Variants in TAFA5 observed in about 807,000 individuals in gnomAD.
TAFA5 encodes TAFA chemokine like family member 5.
TAFA5 carries 6 observed loss-of-function variants against 15.3 expected under a neutral mutation model. The observed-to-expected ratio is 0.39, with a 90% confidence interval of 0.21 to 0.77. TAFA5 has a LOEUF of 0.77. TAFA5 is among the 30% of genes least tolerant of loss of function. TAFA5 has a pLI of 0.41. For missense variants in TAFA5, 161 were observed against 193.1 expected (o/e 0.83, Z 0.98); for synonymous variants, 103 against 80.7 (o/e 1.28, Z -1.48).
chr22:48,521,093 G>GT lies in TAFA5; in HGVS notation c.112+31390dup, dbSNP rs1921585918. 7.2e-5 allele frequency among the ~76,000 whole-genome samples: 11 copies of GT among 152,316 alleles called. No individual in the cohort carries two copies. In the South Asian group the frequency reaches 2.3e-3, roughly 32 times the overall value. ...CTGTTGAATTCTTCCCACCACGGCCGTAACCGTGCAGGATCCAGGGCATGT... is the reference window on the plus strand; with the variant it reads ...CTGTTGAATTCTTCCCACCACGGCCGTTAACCGTGCAGGATCCAGGGCATGT... On this transcript the variant is annotated intron_variant, in intron 1 of 3. Coordinates refer to ENST00000402357, the MANE Select transcript of TAFA5 (RefSeq NM_001082967.3).
At chr22:48,703,196 G>A (rs1414022762) in intron 2 of TAFA5, among the ~76,000 whole-genome samples, 1 of 152,038 alleles carries the variant, frequency 6.6e-6, no homozygotes, top group Non-Finnish European at 1.5e-5. Flanking sequence ...GTGGTGTGTG[G>A]TGTATACATG....
chr22:48,623,468 A>T (rs1925924340), intron 1 of TAFA5, among the ~76,000 whole-genome samples: 2 of 151,392 alleles, frequency 1.3e-5, no homozygotes, highest in Admixed American at 1.3e-4. Flanking sequence ...GACCTGTGGG[A>T]CGGGACGCAG....
intron 3 of TAFA5, among the ~76,000 whole-genome samples, chr22:48,730,620 G>C (rs1193415654): frequency 6.6e-6 from 1 of 152,134 alleles, no homozygotes; most frequent in African/African-American, 2.4e-5. Flanking sequence ...TCACGTTTTA[G>C]TAATTTCCCC....
chr22:48,541,532 G>T (rs1257173802), intron 1 of TAFA5, among the ~76,000 whole-genome samples: 1 of 152,146 alleles, frequency 6.6e-6, no homozygotes, highest in African/African-American at 2.4e-5. Flanking sequence ...TGTTTTCCTT[G>T]TCCCAGGTGT....
intron 1 of TAFA5, among the ~76,000 whole-genome samples, chr22:48,529,709 T>C (rs1278421566): frequency 6.6e-6 from 1 of 151,806 alleles, no homozygotes; most frequent in African/African-American, 2.4e-5. Context: ...TCCAGGGGTC[T>C]CCGACCAGGC....
chr22:48,734,501 G>A (rs1468438479), intron 3 of TAFA5, among the ~76,000 whole-genome samples: 2 of 152,252 alleles, frequency 1.3e-5, no homozygotes, highest in African/African-American at 4.8e-5. Context: ...GTAGACACGT[G>A]TGTGAACAGC....
At position 48,658,779 on chromosome 22, in the gene TAFA5, G is replaced by A. The variant is rs75320643; in HGVS notation, c.262+12033G>A. Among the ~76,000 whole-genome samples, 14 of 152,314 alleles carry A rather than the reference G, an allele frequency of 9.2e-5. No homozygotes were observed. The East Asian group carries it at 1.9e-3, about 21-fold the overall frequency. ...GCTGGCCCAGACCTAGGGCGTCGAC[G>A]TGTAGAGAGAGAAAGGACCAGGCCT... On this transcript the variant is annotated intron_variant, in intron 2 of 3. Transcript: ENST00000402357.
intron 1 of TAFA5, among the ~76,000 whole-genome samples, chr22:48,573,873 G>A (rs1383293711): frequency 6.6e-6 from 1 of 152,214 alleles, no homozygotes; most frequent in Non-Finnish European, 1.5e-5. Context: ...GACACAGTGA[G>A]TGTCAAGGGC....
At chr22:48,506,522 G>A (rs1921001716) in intron 1 of TAFA5, among the ~76,000 whole-genome samples, 1 of 152,212 alleles carries the variant, frequency 6.6e-6, no homozygotes, top group South Asian at 2.1e-4. Flanking sequence ...AGACCACAGG[G>A]GTGACAGGCG....
At chr22:48,574,482 G>T (rs1172987891) in intron 1 of TAFA5, among the ~76,000 whole-genome samples, 1 of 152,148 alleles carries the variant, frequency 6.6e-6, no homozygotes, top group Non-Finnish European at 1.5e-5. Flanking sequence ...AGTTTCCCCA[G>T]ATGCATACTG....
At chr22:48,576,306 A>G in intron 1 of TAFA5, 1 of 1,072,706 alleles carries the variant, frequency 9.3e-7, no homozygotes, top group Non-Finnish European at 1.1e-6. Context: ...CCCTGCCCAG[A>G]AAGACACAAA....
At chr22:48,589,292 T>C (rs778529074) in intron 1 of TAFA5, among the ~76,000 whole-genome samples, 6 of 152,154 alleles carry the variant, frequency 3.9e-5, no homozygotes, top group Non-Finnish European at 8.8e-5. Flanking sequence ...CATGGGATCA[T>C]TTATGTGAAA....
rs559089272 is a variant in TAFA5, at chr22:48,563,177, G to A, written c.112+73473G>A. ...TTTGCGTGGCCCCCAAGAGCCCTGT[G>A]GACAAGTGGCCCCCTCATCCCCTCC... On this transcript the variant is annotated intron_variant, in intron 1 of 3. Transcript: ENST00000402357. Among the ~76,000 whole-genome samples the A allele has an allele frequency of 1.7e-3, 265 of 152,226 alleles. 2 individuals are homozygous for A. Among genetic ancestry groups the A allele is most frequent in the African/African-American group, 6.0e-3 (248 of 41,546 alleles).
intron 1 of TAFA5, chr22:48,544,333 G>A (rs1180370117): frequency 5.9e-5 from 16 of 270,350 alleles, no homozygotes; most frequent in Admixed American, 3.1e-4. Flanking sequence ...CCCCCTCTAT[G>A]GGAGGAGGCT....
chr22:48,525,130 T>C (rs1311496426), intron 1 of TAFA5, among the ~76,000 whole-genome samples: 2 of 152,188 alleles, frequency 1.3e-5, no homozygotes, highest in African/African-American at 4.8e-5. Context: ...TCGAGGGTCC[T>C]CTCCCATCCC....
chr22:48,699,941 C>A (rs1375595674), intron 2 of TAFA5, among the ~76,000 whole-genome samples: 1 of 152,192 alleles, frequency 6.6e-6, no homozygotes, highest in African/African-American at 2.4e-5. Context: ...CATTGAGCTC[C>A]TGCCTCTTCT....
At chr22:48,600,875 G>T (rs1264155783) in intron 1 of TAFA5, among the ~76,000 whole-genome samples, 1 of 152,156 alleles carries the variant, frequency 6.6e-6, no homozygotes, top group Non-Finnish European at 1.5e-5. Context: ...GTCGCGGCGA[G>T]GCTTGCGGGG....
chr22:48,725,724 GA>G (rs11379698), intron 3 of TAFA5, among the ~76,000 whole-genome samples: 4,761 of 114,898 alleles, frequency 0.041, 194 homozygotes, highest in African/African-American at 0.13. Context: ...ATAATTCACA[GA>G]AAAAAAAAAA....
At chr22:48,570,923 C>T (rs140588901) in intron 1 of TAFA5, among the ~76,000 whole-genome samples, 1,793 of 152,300 alleles carry the variant, frequency 0.012, 25 homozygotes, top group Non-Finnish European at 0.019. Context: ...CCTAATGTAT[C>T]TTCATACCTA....
Sources: gnomAD v4.1 joint callset for allele counts (sites outside exome capture counted in the v4.1 genomes callset) on GRCh38, gnomAD v4.1.1 for gene constraint, MANE v1.5 for transcripts, NCBI Gene and HGNC (gene_info 2026-07-23, HGNC 2026-07-21) for gene names.